LEF1: variants seen among roughly 807,000 people sequenced by gnomAD.
LEF1 encodes the protein lymphoid enhancer-binding factor 1.
In LEF1, 14 loss-of-function variants were observed where a neutral mutation model predicts 51.2. That is an observed-to-expected ratio of 0.27 (90% CI 0.18 to 0.43). The LOEUF (loss-of-function observed/expected upper bound fraction) is 0.43, where lower values mean the gene tolerates loss of function less well. LEF1 is among the 20% of genes least tolerant of loss of function. LEF1 has a pLI of 1.00. For synonymous variants in LEF1, 185 were observed against 183.2 expected (o/e 1.01, Z -0.08); for missense variants, 386 against 512.0 (o/e 0.75, Z 2.37).
chr4:108,076,376 T>C (rs537064250), intron 8 of LEF1, among the ~76,000 whole-genome samples: 2 of 152,338 alleles, frequency 1.3e-5, no homozygotes, highest in Admixed American at 1.3e-4. Flanking sequence ...TGGATATTTA[T>C]TTAATTTTTT....
At chr4:108,126,392 T>A (rs1459541220) in intron 3 of LEF1, among the ~76,000 whole-genome samples, 1 of 152,190 alleles carries the variant, frequency 6.6e-6, no homozygotes, top group Non-Finnish European at 1.5e-5. Flanking sequence ...AGAAAAGTGG[T>A]TAAAAGAACC....
chr4:108,073,362 G>A (rs1738622636), intron 8 of LEF1, among the ~76,000 whole-genome samples: 1 of 152,130 alleles, frequency 6.6e-6, no homozygotes, highest in Non-Finnish European at 1.5e-5. Flanking sequence ...TCCAGCCTGG[G>A]TGATAGAGCA....
chr4:108,060,941 C>A (rs1737646948), intron 11 of LEF1, among the ~76,000 whole-genome samples: 1 of 152,076 alleles, frequency 6.6e-6, no homozygotes, highest in Non-Finnish European at 1.5e-5. Flanking sequence ...TGAATTCCTA[C>A]AACAAAGGAA....
chr4:108,154,603 C>T (rs558603947), intron 3 of LEF1, among the ~76,000 whole-genome samples: 2 of 152,028 alleles, frequency 1.3e-5, no homozygotes, highest in East Asian at 3.9e-4. Flanking sequence ...TGCCAGACAG[C>T]TGACTGGTCA....
At chr4:108,143,650 C>T (rs1743813950) in intron 3 of LEF1, among the ~76,000 whole-genome samples, 1 of 152,196 alleles carries the variant, frequency 6.6e-6, no homozygotes, top group Non-Finnish European at 1.5e-5. Context: ...ACGGCGCCCC[C>T]TCAATCCCCT....
At chr4:108,108,626 G>A (rs908719738) in intron 3 of LEF1, among the ~76,000 whole-genome samples, 1 of 152,134 alleles carries the variant, frequency 6.6e-6, no homozygotes, top group Admixed American at 6.5e-5. Context: ...TGCAAGTGCT[G>A]CAGTCCCACT....
At chr4:108,121,026 C>T (rs1336542814) in intron 3 of LEF1, among the ~76,000 whole-genome samples, 1 of 152,142 alleles carries the variant, frequency 6.6e-6, no homozygotes, top group South Asian at 2.1e-4. Context: ...CTGGTGTTTT[C>T]GAGACAACCA....
rs964681947 is a variant in LEF1, at chr4:108,166,299, T to C, written c.214-1136A>G. On this transcript the variant is annotated intron_variant, in intron 1 of 11. Coordinates refer to ENST00000265165, the MANE Select transcript of LEF1 (RefSeq NM_016269.5). ...CTGCCATTGGGATAGAGAAGGCAGA[T>C]CTGAGGTGTTCTTAAACGCGCTGTT... 3 of 1,535,578 alleles carry C rather than the reference T, an allele frequency of 2.0e-6. No homozygotes were observed. In the Admixed American group the frequency reaches 5.9e-5, roughly 30 times the overall value.
intron 3 of LEF1, among the ~76,000 whole-genome samples, chr4:108,110,367 C>T (rs922907689): frequency 2.6e-5 from 4 of 152,182 alleles, no homozygotes; most frequent in Non-Finnish European, 5.9e-5. Flanking sequence ...TTTACTATCT[C>T]TACAACTTAA....
intron 11 of LEF1, among the ~76,000 whole-genome samples, chr4:108,052,366 C>G (rs1054245357): frequency 3.3e-5 from 5 of 152,232 alleles, no homozygotes; most frequent in African/African-American, 1.2e-4. Context: ...TCAAATGCTA[C>G]TAACAAGAGG....
At chr4:108,085,654 G>C (rs1739593160) in intron 4 of LEF1, among the ~76,000 whole-genome samples, 1 of 151,792 alleles carries the variant, frequency 6.6e-6, no homozygotes, top group Admixed American at 6.6e-5. Flanking sequence ...TCTTCTGCTA[G>C]AAGGAAGAAG....
At chr4:108,053,744 G>A (rs541193270) in intron 11 of LEF1, among the ~76,000 whole-genome samples, 6 of 152,308 alleles carry the variant, frequency 3.9e-5, no homozygotes, top group South Asian at 2.1e-4. Flanking sequence ...GGTCATGACC[G>A]CTAGATCCTT....
intron 3 of LEF1, among the ~76,000 whole-genome samples, chr4:108,119,886 T>A (rs925510933): frequency 3.3e-5 from 5 of 152,106 alleles, no homozygotes; most frequent in African/African-American, 4.8e-5. Flanking sequence ...CTGAGAAAAT[T>A]AAAAAATATT....
At chr4:108,087,123 G>A (rs1408121991) in intron 4 of LEF1, among the ~76,000 whole-genome samples, 1 of 152,126 alleles carries the variant, frequency 6.6e-6, no homozygotes, top group East Asian at 1.9e-4. Context: ...TTAAAAGGAA[G>A]AGATCTAGTA....
At chr4:108,130,845 G>A (rs1157231479) in intron 3 of LEF1, among the ~76,000 whole-genome samples, 1 of 151,928 alleles carries the variant, frequency 6.6e-6, no homozygotes, top group Non-Finnish European at 1.5e-5. Context: ...AACAAGTGAA[G>A]AAAGAAAATT....
intron 6 of LEF1, among the ~76,000 whole-genome samples, chr4:108,081,372 C>T (rs886360734): frequency 6.6e-6 from 1 of 151,990 alleles, no homozygotes; most frequent in African/African-American, 2.4e-5. Context: ...GTCCATCGCC[C>T]GATGGTGTGG....
At chr4:108,127,513 A>G (rs890282707) in intron 3 of LEF1, among the ~76,000 whole-genome samples, 2 of 152,158 alleles carry the variant, frequency 1.3e-5, no homozygotes, top group Admixed American at 1.3e-4. Context: ...CAAATTATGT[A>G]CAATTACAAT....
At chr4:108,050,019 A>G (rs1229532420) in intron 11 of LEF1, among the ~76,000 whole-genome samples, 1 of 152,248 alleles carries the variant, frequency 6.6e-6, no homozygotes, top group African/African-American at 2.4e-5. Context: ...TAGTATTATT[A>G]TTCCAATTAT....
chr4:108,078,038 G>A (rs1019410479), intron 8 of LEF1, among the ~76,000 whole-genome samples, 182 bp downstream of exon 8: 5 of 81,192 alleles, frequency 6.2e-5, no homozygotes, highest in East Asian at 7.8e-4. Flanking sequence ...AGAGTGAGAC[G>A]CTGTCTCAAA....
Sources: gnomAD v4.1 joint callset for allele counts (sites outside exome capture counted in the v4.1 genomes callset) on GRCh38, gnomAD v4.1.1 for gene constraint, MANE v1.5 for transcripts, NCBI Gene and HGNC (gene_info 2026-07-23, HGNC 2026-07-21) for gene names.